SNX12: variants seen among roughly 807,000 people sequenced by gnomAD.
The protein encoded by SNX12 is sorting nexin 12.
For synonymous variants in SNX12, 47 were observed against 56.0 expected (o/e 0.84, Z 0.71); for missense variants, 62 against 141.3 (o/e 0.44, Z 2.84).
At chrX:71,072,844 G>A (rs2092177005), upstream of SNX12, among the ~76,000 whole-genome samples, 1 of 110,621 alleles carries the variant, frequency 9.0e-6, no homozygotes, top group Admixed American at 9.7e-5. Flanking sequence ...GAGGACAGTA[G>A]AGGGTACTGG....
chrX:71,061,670 T>C (rs1032119900), intron 3 of SNX12, among the ~76,000 whole-genome samples, 173 bp downstream of exon 3: 4 of 109,022 alleles, frequency 3.7e-5, no homozygotes, highest in Non-Finnish European at 5.8e-5. Flanking sequence ...GAGACGGAGG[T>C]TGCAGTGAGC....
chrX:71,068,085 C>T lies in SNX12; in HGVS notation c.165+57G>A, dbSNP rs749558212. The T allele has an allele frequency of 6.5e-6, 7 of 1,081,175 alleles. No individual in the cohort carries two copies. In the South Asian group the frequency reaches 6.8e-5, roughly 10 times the overall value. The allele number at this position is 1,081,175 out of a possible 1,213,427, so 89.1% of individuals were successfully genotyped here. On this transcript the variant is annotated intron_variant, in intron 1 of 3. Transcript: ENST00000374274. ...TGCCCCCGCGGTAGCCTCCCTCCCCCCTCCCGCTCGCGCCGCCCGGTCCTC... is the reference window on the plus strand; with the variant it reads ...TGCCCCCGCGGTAGCCTCCCTCCCCTCTCCCGCTCGCGCCGCCCGGTCCTC...
At chrX:71,068,094 C>T in intron 1 of SNX12, 48 bp downstream of exon 1, 2 of 1,095,597 alleles carry the variant, frequency 1.8e-6, no homozygotes, top group South Asian at 4.6e-5. Context: ...CCCTCCCGCT[C>T]GCGCCGCCCG....
intron 1 of SNX12, 23 bp downstream of exon 1, chrX:71,068,119 G>C: frequency 1.7e-6 from 2 of 1,154,956 alleles, no homozygotes; most frequent in Non-Finnish European, 2.3e-6. Context: ...TCCCTCAGCT[G>C]TCTCCCTCAC....
intron 1 of SNX12, among the ~76,000 whole-genome samples, chrX:71,067,594 A>G (rs1165663258): frequency 9.0e-6 from 1 of 111,654 alleles, no homozygotes; most frequent in African/African-American, 3.3e-5. Flanking sequence ...TCCCTTTCTT[A>G]TTTCTGCTCC....
chrX:71,072,910 C>CAA (rs1488264846), upstream of SNX12, among the ~76,000 whole-genome samples: 1 of 103,379 alleles, frequency 9.7e-6, no homozygotes, highest in Non-Finnish European at 1.9e-5. Flanking sequence ...CTTCCATACA[C>CAA]ACACACACAC....
Position 71,061,824 on chromosome X carries a change from C to A in SNX12, c.386+19G>T, listed in dbSNP as rs1307571044. The A allele has an allele frequency of 1.7e-6, 2 of 1,200,098 alleles. No homozygotes were observed. The highest frequency in any genetic ancestry group is 2.3e-6 in the Non-Finnish European group (2 of 888,519). ...CGATGGCAAAAGTAGCAAGTGGAGC[C>A]CCCAGGAACTTGGCTTACTTGTTAA... On this transcript the variant is annotated intron_variant, in intron 3 of 3. Coordinates refer to ENST00000374274, the MANE Select transcript of SNX12 (RefSeq NM_013346.4).
At position 71,060,459 on chromosome X, in the gene SNX12, G is replaced by A. The variant is rs1372457024; in HGVS notation, c.*557C>T. On this transcript the variant is annotated 3_prime_UTR_variant, in exon 4 of 4. Coordinates refer to ENST00000374274, the MANE Select transcript of SNX12 (RefSeq NM_013346.4). ...CTGCTTGGACTCTAGGAGGATTACTGCCATGGAAAGCAACAAGGGAGAGAG... is the reference window on the plus strand; with the variant it reads ...CTGCTTGGACTCTAGGAGGATTACTACCATGGAAAGCAACAAGGGAGAGAG... The A allele has an allele frequency of 1.8e-5, 2 of 113,495 alleles. No homozygotes were observed. Among genetic ancestry groups the A allele is most frequent in the Non-Finnish European group, 3.7e-5 (2 of 54,733 alleles). The allele number at this position is 113,495 out of a possible 1,213,427, so 9.4% of individuals were successfully genotyped here.
chrX:71,061,007 G>A lies in SNX12; in HGVS notation c.*9C>T, dbSNP rs1190220471. The A allele has an allele frequency of 2.6e-6, 3 of 1,173,669 alleles. No homozygotes were observed. In the South Asian group the frequency reaches 5.5e-5, roughly 21 times the overall value. ...CAGGAAAGTAGAGGGCAGGTGGTGA[G>A]AGGGGCTCCTACTGGCGCACCTTCC... On this transcript the variant is annotated 3_prime_UTR_variant, in exon 4 of 4. Transcript: ENST00000374274.
rs761195647 is a variant in SNX12 at position 71,062,368 on chromosome X, C to CTTTTT, written c.262-406_262-402dup. ...AAACTTGTCCTGAACTTACCACTTTCTTTTTTTTTTTTTTTTTTTTTTGAG... is the reference window on the plus strand; with the variant it reads ...AAACTTGTCCTGAACTTACCACTTTCTTTTTTTTTTTTTTTTTTTTTTTTTTTGAG... On this transcript the variant is annotated intron_variant, in intron 2 of 3. Transcript: ENST00000374274. 9.5e-3 allele frequency among the ~76,000 whole-genome samples: 679 copies of CTTTTT among 71,131 alleles called. 1 individual carries two copies. Among genetic ancestry groups the CTTTTT allele is most frequent in the African/African-American group, 0.021 (353 of 16,452 alleles). 61.8% of individuals were successfully genotyped at this position (71,131 alleles called of 115,157 possible).
At chrX:71,061,720 G>A in intron 3 of SNX12, 123 bp downstream of exon 3, 2 of 630,276 alleles carry the variant, frequency 3.2e-6, no homozygotes, top group South Asian at 2.8e-5. Flanking sequence ...GTGACAGAGT[G>A]AGACTCTGTC....
intron 1 of SNX12, among the ~76,000 whole-genome samples, chrX:71,063,785 C>T (rs375216511): frequency 9.3e-4 from 102 of 109,730 alleles, no homozygotes; most frequent in African/African-American, 3.3e-3. Flanking sequence ...TGGCAGTGCT[C>T]GCTTGTGGTC....
In SNX12 at chrX:71,060,644, A is replaced by G. The variant is rs1349618750; in HGVS notation, c.*372T>C. 3 of 165,785 alleles carry G rather than the reference A, an allele frequency of 1.8e-5. No homozygotes were observed. The highest frequency in any genetic ancestry group is 9.1e-5 in the African/African-American group (3 of 33,028). 13.7% of individuals were successfully genotyped at this position (165,785 alleles called of 1,213,427 possible). On this transcript the variant is annotated 3_prime_UTR_variant, in exon 4 of 4. Coordinates refer to ENST00000374274, the MANE Select transcript of SNX12 (RefSeq NM_013346.4). The stretch of plus-strand genomic sequence containing the variant: ...GTGTTCTTGGTTAAACCTAAGAGTA[A>G]GAAAAATCCCCTGAACTTGCAGCAT...
At chrX:71,069,140 T>G (rs12832547), upstream of SNX12, among the ~76,000 whole-genome samples, 26,489 of 111,037 alleles carry the variant, frequency 0.24, 2,813 homozygotes, top group Middle Eastern at 0.47. Flanking sequence ...CATGAGAATA[T>G]CTATAGAAAT....
upstream of SNX12, among the ~76,000 whole-genome samples, chrX:71,071,587 TATA>T (rs1462690126): frequency 3.8e-4 from 19 of 49,827 alleles, no homozygotes; most frequent in Admixed American, 6.7e-3. Context: ...TATATAAATA[TATA>T]ATATTTATAT....
chrX:71,071,498 A>G (rs2092171228), upstream of SNX12, among the ~76,000 whole-genome samples: 1 of 58,961 alleles, frequency 1.7e-5, no homozygotes, highest in African/African-American at 9.6e-5. Context: ...ATATATAATT[A>G]TTATATTTAT....
chrX:71,062,615 C>T (rs1032934364), intron 2 of SNX12, among the ~76,000 whole-genome samples: 1 of 111,403 alleles, frequency 9.0e-6, no homozygotes, highest in Non-Finnish European at 1.9e-5. Context: ...TCAGGTGATC[C>T]GCCCGCCTCA....
At chrX:71,072,906 T>C (rs866013578), upstream of SNX12, among the ~76,000 whole-genome samples, 2 of 101,433 alleles carry the variant, frequency 2.0e-5, no homozygotes. Flanking sequence ...CTGGCTTCCA[T>C]ACACACACAC....
intron 1 of SNX12, 45 bp downstream of exon 1, chrX:71,068,097 G>A (rs773044502): frequency 1.2e-6 from 1 of 812,336 alleles, no homozygotes; most frequent in East Asian, 4.5e-5. Flanking sequence ...TCCCGCTCGC[G>A]CCGCCCGGTC....
Sources: allele counts gnomAD v4.1 joint callset (sites outside exome capture counted in the v4.1 genomes callset), GRCh38; gene constraint gnomAD v4.1.1; transcripts MANE v1.5; gene names NCBI Gene and HGNC (gene_info 2026-07-23, HGNC 2026-07-21).